BAZ2A: variants seen among roughly 807,000 people sequenced by gnomAD.
BAZ2A encodes the protein bromodomain adjacent to zinc finger domain 2A.
BAZ2A carries 34 observed loss-of-function variants against 199.9 expected under a neutral mutation model. The ratio of observed to expected loss-of-function variants is 0.17; its 90% CI spans 0.13 to 0.23. BAZ2A has a LOEUF of 0.23. BAZ2A is among the 10% of genes least tolerant of loss of function. The probability of loss-of-function intolerance (pLI) is 1.00; values close to 1 mark genes in which losing one functional copy is unlikely to be tolerated. For missense variants in BAZ2A, 2,002 were observed against 2,391.1 expected, an observed-to-expected ratio of 0.84 and a Z score of 3.39; for synonymous variants, 857 against 883.9, an observed-to-expected ratio of 0.97 and a Z score of 0.54.
At chr12:56,606,856 C>CT (rs878900035) in intron 10 of BAZ2A, 123 bp from the exon 11 acceptor site, 15,709 of 588,462 alleles carry the variant, frequency 0.027, no homozygotes, top group East Asian at 0.035. Context: ...TCTAGAGTAG[C>CT]TTTTTTTTTT....
At chr12:56,623,489 G>GT (rs1592616291) in intron 1 of BAZ2A, among the ~76,000 whole-genome samples, 2 of 152,074 alleles carry the variant, frequency 1.3e-5, no homozygotes, top group East Asian at 3.8e-4. Flanking sequence ...GATTTCAAAT[G>GT]TTTATCTTGA....
chr12:56,615,720 G>A (rs1950695726), intron 2 of BAZ2A, 113 bp from the exon 3 acceptor site: 2 of 865,156 alleles, frequency 2.3e-6, no homozygotes, highest in African/African-American at 1.7e-5. Flanking sequence ...AGGGAAGGGG[G>A]ATTCCTCCCC....
At chr12:56,602,993 G>A (rs1242277637) in intron 18 of BAZ2A, 136 bp from the exon 19 acceptor site, 1 of 1,142,486 alleles carries the variant, frequency 8.8e-7, no homozygotes, top group African/African-American at 1.6e-5. Context: ...TAATTCAGAA[G>A]GTGATTAAGT....
upstream of BAZ2A, chr12:56,636,376 G>T: frequency 1.5e-6 from 2 of 1,353,590 alleles, no homozygotes; most frequent in Non-Finnish European, 1.9e-6. Flanking sequence ...CTGTGTGACA[G>T]ACTGGGGTGG....
In BAZ2A at chr12:56,609,770, T is replaced by C; in HGVS notation, c.2058A>G (p.Thr686=). ...CCAGTTTCTTTAGGGGGCGGTTGTCTGTCTTGTTCAATAGCTCAGTGATTT... is the reference window on the plus strand; with the variant it reads ...CCAGTTTCTTTAGGGGGCGGTTGTCCGTCTTGTTCAATAGCTCAGTGATTT... ...KVKITELLNK[T]DNRPLKKLEA... Residue 686 remains threonine (T), a synonymous_variant, in exon 10 of 29, where the codon ACA becomes ACG. Coordinates refer to ENST00000549884, the MANE Select transcript of BAZ2A (RefSeq NM_001300905.2). 3 of 1,613,956 alleles carry C rather than the reference T, an allele frequency of 1.9e-6. No individual in the cohort carries two copies. Among genetic ancestry groups the C allele is most frequent in the Non-Finnish European group, 2.5e-6 (3 of 1,179,864 alleles).
chr12:56,612,075 G>A lies in BAZ2A; in HGVS notation c.1307C>T (p.Ser436Phe), dbSNP rs1436253907. 1 of 1,613,798 alleles carries A rather than the reference G, an allele frequency of 6.2e-7. No individual in the cohort carries two copies. Among genetic ancestry groups the A allele is most frequent in the Non-Finnish European group, 8.5e-7 (1 of 1,179,850 alleles). Residue 436 changes from serine (S) to phenylalanine (F), a missense_variant, in exon 6 of 29, where the codon TCC becomes TTC. Physicochemically the swap from Ser to Phe is radical, Grantham distance 155. Transcript: ENST00000549884. ...GGAGGCTGCTGGAGAAACCACTAGGGAGACTGCTGGGGAGGTTGTTGGCGA... is the reference window on the plus strand; with the variant it reads ...GGAGGCTGCTGGAGAAACCACTAGGAAGACTGCTGGGGAGGTTGTTGGCGA... ...AVSPTTSPAV[S>F]LVVSPAASPE... is the part of the protein sequence containing the mutation.
chr12:56,600,322 G>A lies in BAZ2A; in HGVS notation c.4771C>T (p.Leu1591=). The change falls in exon 24 of 29, where the codon CTG becomes TTG. Residue 1591 remains leucine, a synonymous_variant. Transcript: ENST00000549884. ...TACCGCCGTTCTACATTCTGTTCCA[G>A]GGCAGCCAGCCGCATCACAGCCAGG... ...LDLAVMRLAA[L]EQNVERRYLR... The A allele has an allele frequency of 6.2e-7, 1 of 1,614,002 alleles. No homozygotes were observed. Among genetic ancestry groups the A allele is most frequent in the East Asian group, 2.2e-5 (1 of 44,880 alleles).
In BAZ2A at chr12:56,605,224, AG is replaced by A; in HGVS notation, c.2596del (p.Leu866TrpfsTer37). 1 of 1,613,868 alleles carries A rather than the reference AG, an allele frequency of 6.2e-7. No individual in the cohort carries two copies. The highest frequency in any genetic ancestry group is 8.5e-7 in the Non-Finnish European group (1 of 1,179,858). ...VEFLHSFGKV[L>X]GFDPAKDVPS... is the part of the protein sequence containing the mutation. Reference sequence around the variant, plus strand: ...CACATCTTTGGCAGGATCAAAGCCCAGCACCTTGCCAAAGCTATGCAGGAAC... The same window carrying A: ...CACATCTTTGGCAGGATCAAAGCCCACACCTTGCCAAAGCTATGCAGGAAC... On this transcript the variant is annotated frameshift_variant, in exon 14 of 29. Coordinates refer to ENST00000549884, the MANE Select transcript of BAZ2A (RefSeq NM_001300905.2). LOFTEE classifies it high-confidence loss of function.
chr12:56,638,234 C>CA, upstream of BAZ2A: 1 of 1,081,872 alleles, frequency 9.2e-7, no homozygotes, highest in Non-Finnish European at 1.4e-6. Flanking sequence ...AATATATCTT[C>CA]AATCAAGGCT....
chr12:56,636,507 G>T, upstream of BAZ2A: 5 of 545,978 alleles, frequency 9.2e-6, no homozygotes, highest in Non-Finnish European at 1.1e-5. Flanking sequence ...CAGTGGCATG[G>T]TAGAAGAGGC....
chr12:56,606,109 C>T (rs2136888223), intron 12 of BAZ2A, 46 bp from the exon 13 acceptor site: 1 of 1,550,788 alleles, frequency 6.4e-7, no homozygotes, highest in Non-Finnish European at 8.7e-7. Flanking sequence ...AGATATCAGT[C>T]ACTATCCTTC....
intron 1 of BAZ2A, 115 bp downstream of exon 1, chr12:56,630,010 G>T: frequency 1.3e-6 from 1 of 784,896 alleles, no homozygotes; most frequent in Non-Finnish European, 1.5e-6. Flanking sequence ...GCTCCCGTCG[G>T]CTTCCCGCCC....
At chr12:56,634,248 C>T (rs2137496646), upstream of BAZ2A, among the ~76,000 whole-genome samples, 1 of 152,294 alleles carries the variant, frequency 6.6e-6, no homozygotes, top group Non-Finnish European at 1.5e-5. Context: ...CCCAGCTCCC[C>T]ACGCACTCTC....
chr12:56,612,864 C>T, intron 5 of BAZ2A, 151 bp downstream of exon 5: 1 of 836,684 alleles, frequency 1.2e-6, no homozygotes, highest in Non-Finnish European at 1.9e-6. Flanking sequence ...TCAGGTGATC[C>T]ACCCGCCTCG....
At chr12:56,621,208 C>G in intron 1 of BAZ2A, 1 of 985,278 alleles carries the variant, frequency 1.0e-6, no homozygotes, top group Non-Finnish European at 1.2e-6. Flanking sequence ...TTTTTCCATT[C>G]TCTATTTGAA....
At position 56,600,345 on chromosome 12, in the gene BAZ2A, A is replaced by C; in HGVS notation, c.4748T>G (p.Leu1583Arg). The change falls in exon 24 of 29, where the codon CTG becomes CGG. Residue 1583 changes from leucine (L) to arginine (R), a missense_variant. Physicochemically the swap from Leu to Arg is moderately radical, Grantham distance 102. This residue lies in a region of BAZ2A where 1,081 missense variants were observed against 1,274.7 expected (regional missense o/e 0.85). Transcript: ENST00000549884. Reference protein sequence around the residue: ...PQRKTTNPLDLAVMRLAALEQ... With the variant: ...PQRKTTNPLDRAVMRLAALEQ... ...CAGGGCAGCCAGCCGCATCACAGCC[A>C]GGTCCAAAGGGTTGGTAGTTTTACG... is the stretch of plus-strand genomic sequence containing the variant. 6.2e-7 allele frequency: 1 copy of C among 1,613,988 alleles called. No individual in the cohort carries two copies. Among genetic ancestry groups the C allele is most frequent in the Non-Finnish European group, 8.5e-7 (1 of 1,179,888 alleles).
rs534790938 is a variant in BAZ2A at position 56,627,658 on chromosome 12, C to T, written c.-3+2467G>A. Among the ~76,000 whole-genome samples, 13 of 151,220 alleles carry T rather than the reference C, an allele frequency of 8.6e-5. No homozygotes were observed. The South Asian group carries it at 2.3e-3, about 27-fold the overall frequency. ...TGTGCAAACTGGCAAAACCCCACCTCTACAAAAATTACAAAAAATTAGCTG... is the reference window on the plus strand; with the variant it reads ...TGTGCAAACTGGCAAAACCCCACCTTTACAAAAATTACAAAAAATTAGCTG... On this transcript the variant is annotated intron_variant, in intron 1 of 28. Coordinates refer to ENST00000549884, the MANE Select transcript of BAZ2A (RefSeq NM_001300905.2).
Position 56,597,294 on chromosome 12 carries a change from A to G in BAZ2A, c.*1324T>C, listed in dbSNP as rs1885906601. 1 of 152,494 alleles carries G rather than the reference A, an allele frequency of 6.6e-6. No individual in the cohort carries two copies. Among genetic ancestry groups the G allele is most frequent in the Non-Finnish European group, 1.5e-5 (1 of 68,046 alleles). 9.4% of individuals were successfully genotyped at this position (152,494 alleles called of 1,614,324 possible). The stretch of plus-strand genomic sequence containing the variant: ...AAGCACAACTAAATGGGATTAGGAA[A>G]TGATCCAGTTCTACCACTCTCCCGT... On this transcript the variant is annotated 3_prime_UTR_variant, in exon 29 of 29. Transcript: ENST00000549884.
rs754400050 is a variant in BAZ2A at position 56,604,220 on chromosome 12, C to T, written c.3035G>A (p.Arg1012Gln). The stretch of plus-strand genomic sequence containing the variant: ...CTACTCTCTGTCTGGTCCCTACCTC[C>T]GGAGCCGGCCTTCAACAATCCACTT... ...KNKWIVEGRL[R>Q]RLKTVLAKRT... The change falls in exon 16 of 29, where the codon CGG becomes CAG. Residue 1012 changes from arginine to glutamine, a missense_variant. Arg to Gln is a conservative substitution (Grantham distance 43). Around this residue, in one of 6 missense-constraint regions of BAZ2A, gnomAD observed 1,081 missense variants for 1,274.7 expected, o/e 0.85. Coordinates refer to ENST00000549884, the MANE Select transcript of BAZ2A (RefSeq NM_001300905.2). 7 of 1,604,496 alleles carry T rather than the reference C, an allele frequency of 4.4e-6. No homozygotes were observed. The highest frequency in any genetic ancestry group is 2.7e-5 in the African/African-American group (2 of 74,786).
Sources: allele counts gnomAD v4.1 joint callset (sites outside exome capture counted in the v4.1 genomes callset), GRCh38; gene constraint gnomAD v4.1.1; regional missense constraint gnomAD v4.1.1; transcripts MANE v1.5; gene names NCBI Gene and HGNC (gene_info 2026-07-23, HGNC 2026-07-21).